Variants in KMT2C observed in about 807,000 individuals in gnomAD.
The protein encoded by KMT2C is lysine methyltransferase 2C.
Under a neutral mutation model 507.9 loss-of-function variants are expected in KMT2C, and 88 were observed. The observed-to-expected ratio is 0.17, with a 90% CI of 0.15 to 0.21. The LOEUF is 0.21. Among genes scored for constraint, KMT2C ranks in the 10% least tolerant of loss-of-function variants. KMT2C has a pLI of 1.00. For missense variants in KMT2C, 4,954 were observed against 5,957.8 expected, an observed-to-expected ratio of 0.83 and a Z score of 5.55; for synonymous variants, 2,049 against 2,080.8, an observed-to-expected ratio of 0.98 and a Z score of 0.42.
chr7:152,432,365 TTTAACA>T (rs2097870641), intron 1 of KMT2C, among the ~76,000 whole-genome samples: 1 of 152,224 alleles, frequency 6.6e-6, no homozygotes, highest in East Asian at 1.9e-4. Context: ...AGAAAAATTT[TTTAACA>T]TTAACACAAA....
chr7:152,250,072 T>G (rs1394990133), intron 12 of KMT2C, 119 bp from the exon 13 acceptor site: 1 of 619,744 alleles, frequency 1.6e-6, no homozygotes, highest in African/African-American at 1.8e-5. Flanking sequence ...AATATAAGCA[T>G]GAAACATTGT....
intron 1 of KMT2C, among the ~76,000 whole-genome samples, chr7:152,374,956 C>T (rs2097317267): frequency 6.6e-6 from 1 of 151,854 alleles, no homozygotes; most frequent in Admixed American, 6.6e-5. Flanking sequence ...TTTCAGAACT[C>T]CTCGATTAAA....
Position 152,181,278 on chromosome 7 carries a change from T to G in KMT2C, c.6582A>C (p.Val2194=). The G allele has an allele frequency of 1.2e-6, 2 of 1,614,082 alleles. No homozygotes were observed. The highest frequency in any genetic ancestry group is 1.7e-6 in the Non-Finnish European group (2 of 1,180,020). ...ATGGATCAGAATGCCTCTGATTTGT[T>G]ACAGGTGTAACAAACAAGTCAGTTT... ...STQTDLFVTP[V]TNQRHSDPYA... is the part of the protein sequence containing the mutation. Residue 2194 remains valine (V), a synonymous_variant, in exon 36 of 59, where the codon GTA becomes GTC. Transcript: ENST00000262189.
chr7:152,324,560 C>G (rs371502928), intron 3 of KMT2C, among the ~76,000 whole-genome samples: 2 of 151,562 alleles, frequency 1.3e-5, no homozygotes, highest in East Asian at 1.9e-4. Flanking sequence ...ATGAAACAGA[C>G]AGCTGAATAG....
intron 18 of KMT2C, among the ~76,000 whole-genome samples, chr7:152,228,095 GTTTA>G (rs564651944): frequency 2.4e-3 from 372 of 152,246 alleles, no homozygotes; most frequent in African/African-American, 8.6e-3. Context: ...ATACAGTGGT[GTTTA>G]TAGAGGCTAC....
intron 2 of KMT2C, among the ~76,000 whole-genome samples, chr7:152,353,257 C>T (rs1188666932): frequency 2.0e-5 from 3 of 151,918 alleles, no homozygotes; most frequent in South Asian, 2.1e-4. Flanking sequence ...ACCCAGTCTG[C>T]ACTAAAAATA....
intron 23 of KMT2C, among the ~76,000 whole-genome samples, chr7:152,210,880 A>G (rs1196120276): frequency 2.0e-5 from 3 of 152,204 alleles, no homozygotes; most frequent in Non-Finnish European, 4.4e-5. Flanking sequence ...AAGATAAAAT[A>G]AGGACATGAA....
rs1225601677 is a variant in KMT2C, at chr7:152,395,337, G to A, written c.162-36662C>T. ...TAGCTGGGACTACAGGCACGTGGCC[G>A]CACACCTGGCTTTTCTTTCCCCCCC... is the stretch of plus-strand genomic sequence containing the variant. On this transcript the variant is annotated intron_variant, in intron 1 of 58. Transcript: ENST00000262189. 2.6e-4 allele frequency among the ~76,000 whole-genome samples: 40 copies of A among 151,192 alleles called. 1 individual carries two copies. The highest frequency in any genetic ancestry group is 2.5e-3 in the Admixed American group (38 of 15,154).
chr7:152,342,841 A>T (rs1268882720), intron 2 of KMT2C, among the ~76,000 whole-genome samples: 1 of 152,220 alleles, frequency 6.6e-6, no homozygotes, highest in Non-Finnish European at 1.5e-5. Context: ...TGCCTTCAGG[A>T]GAAACTATTT....
In KMT2C at chr7:152,162,826, C is replaced by T. The variant is rs752988622; in HGVS notation, c.10751G>A (p.Gly3584Glu). 1 of 1,614,056 alleles carries T rather than the reference C, an allele frequency of 6.2e-7. No homozygotes were observed. The highest frequency in any genetic ancestry group is 8.5e-7 in the Non-Finnish European group (1 of 1,180,012). ...CAACTGAATGAGCGATTGGGTTGAT[C>T]CCGGATAACTGTGTCCATGGGTTAT... ...STITHGHSYP[G>E]STQSLIQLYS... Residue 3584 changes from glycine (G) to glutamate (E), a missense_variant, in exon 43 of 59, where the codon GGA becomes GAA. Transcript: ENST00000262189.
In KMT2C at chr7:152,156,231, T is replaced by C; in HGVS notation, c.11786A>G (p.Lys3929Arg). 6.2e-7 allele frequency: 1 copy of C among 1,614,184 alleles called. No individual in the cohort carries two copies. The highest frequency in any genetic ancestry group is 2.2e-5 in the East Asian group (1 of 44,888). Reference protein sequence around the residue: ...GFATTEELAGKAGVLVSHEVT... With the variant: ...GFATTEELAGRAGVLVSHEVT... ...TTCATGGCTCACTAACACTCCGGCT[T>C]TTCCAGCAAGTTCTTCAGTTGTTGC... The change falls in exon 45 of 59, where the codon AAA (lysine) becomes AGA (arginine). Residue 3929 changes from lysine to arginine, a missense_variant. Physicochemically the swap from Lys to Arg is conservative, Grantham distance 26. Coordinates refer to ENST00000262189, the MANE Select transcript of KMT2C (RefSeq NM_170606.3).
chr7:152,404,120 C>T (rs796517001), intron 1 of KMT2C, among the ~76,000 whole-genome samples: 252 of 137,198 alleles, frequency 1.8e-3, no homozygotes, highest in East Asian at 6.2e-3. Flanking sequence ...ATTCTTGATC[C>T]TTATTATAAG....
intron 1 of KMT2C, among the ~76,000 whole-genome samples, chr7:152,370,860 C>G (rs2097288669): frequency 6.6e-6 from 1 of 152,202 alleles, no homozygotes; most frequent in African/African-American, 2.4e-5. Flanking sequence ...CAGTCTACAT[C>G]TGCTTTCATG....
chr7:152,213,505 T>A (rs1224100625), intron 23 of KMT2C, among the ~76,000 whole-genome samples: 1 of 151,950 alleles, frequency 6.6e-6, no homozygotes, highest in South Asian at 2.1e-4. Context: ...AAACTAGATA[T>A]CTATATGCAA....
chr7:152,315,343 T>TA lies in KMT2C; in HGVS notation c.390-6dup. On this transcript the variant is annotated splice_region_variant and splice_polypyrimidine_tract_variant and intron_variant, in intron 3 of 58. Coordinates refer to ENST00000262189, the MANE Select transcript of KMT2C (RefSeq NM_170606.3). ...CAAAAAGCGCAGAGCTGTTCACTAG[T>TA]AAAAATGAAATGTAAGTCAGAGAAG... The TA allele has an allele frequency of 6.2e-7, 1 of 1,609,330 alleles. No homozygotes were observed. Among genetic ancestry groups the TA allele is most frequent in the Non-Finnish European group, 8.5e-7 (1 of 1,176,340 alleles).
chr7:152,273,927 T>C (rs2096025209), intron 6 of KMT2C, 60 bp from the exon 7 acceptor site: 4 of 1,588,018 alleles, frequency 2.5e-6, no homozygotes, highest in East Asian at 4.5e-5. Context: ...TATTCAAATA[T>C]AAGCTGGGAA....
rs71198770 is a variant in KMT2C at position 152,253,514 on chromosome 7, C to CAAAAAAAAAAAA, written c.1300-811_1300-800dup. Among the ~76,000 whole-genome samples the CAAAAAAAAAAAA allele has an allele frequency of 9.4e-4, 37 of 39,516 alleles. 2 individuals are homozygous for CAAAAAAAAAAAA. The highest frequency in any genetic ancestry group is 2.7e-3 in the African/African-American group (35 of 12,820). The allele number at this position is 39,516 out of a possible 152,430, so 25.9% of individuals were successfully genotyped here. ...AGAAGGCAAAACACCTCTTTCTCTA[C>CAAAAAAAAAAAA]AAAAAAAAAAAAAAAAAAAAAAAAA... On this transcript the variant is annotated intron_variant, in intron 9 of 58. Transcript: ENST00000262189.
At position 152,162,493 on chromosome 7, in the gene KMT2C, T is replaced by C. The variant is rs141386480; in HGVS notation, c.11084A>G (p.Asn3695Ser). The change falls in exon 43 of 59, where the codon AAT (asparagine) becomes AGT (serine). Residue 3695 changes from asparagine to serine, a missense_variant. Around this residue, in one of 29 missense-constraint regions of KMT2C, gnomAD observed 801 missense variants for 751.2 expected, o/e 1.07. Coordinates refer to ENST00000262189, the MANE Select transcript of KMT2C (RefSeq NM_170606.3). ...PNSDFSQATP[N>S]QQTYANSEVD... The stretch of plus-strand genomic sequence containing the variant: ...TTCTGAATTTGCATACGTCTGTTGA[T>C]TTGGAGTTGCTTGTGAGAAATCACT... 93 of 1,614,118 alleles carry C rather than the reference T, an allele frequency of 5.8e-5. No homozygotes were observed. Among genetic ancestry groups the C allele is most frequent in the Non-Finnish European group, 7.2e-5 (85 of 1,180,056 alleles).
chr7:152,234,788 A>G (rs2095229692), intron 16 of KMT2C, among the ~76,000 whole-genome samples: 1 of 152,074 alleles, frequency 6.6e-6, no homozygotes. Flanking sequence ...CTATGGGCCC[A>G]GCTACTTGGG....
Sources: allele counts gnomAD v4.1 joint callset (sites outside exome capture counted in the v4.1 genomes callset), GRCh38; gene constraint gnomAD v4.1.1; regional missense constraint gnomAD v4.1.1; transcripts MANE v1.5; gene names NCBI Gene and HGNC (gene_info 2026-07-23, HGNC 2026-07-21).